Variants in SSC4D observed in about 807,000 individuals in gnomAD.
SSC4D encodes scavenger receptor cysteine-rich domain-containing group B protein.
SSC4D carries 57 observed loss-of-function variants against 63.4 expected under a neutral mutation model. The ratio of observed to expected loss-of-function variants is 0.90; its 90% CI spans 0.73 to 1.12. The LOEUF is 1.12. Among genes scored for constraint, SSC4D ranks in the 50% most tolerant of loss-of-function variants. The pLI is 0.00. For synonymous variants in SSC4D, 352 were observed against 345.4 expected (o/e 1.02, Z -0.21); for missense variants, 791 against 806.4 (o/e 0.98, Z 0.23).
At chr7:76,390,436 G>C in intron 10 of SSC4D, 61 bp from the exon 11 acceptor site, 1 of 1,475,668 alleles carries the variant, frequency 6.8e-7, no homozygotes, top group African/African-American at 1.4e-5. Context: ...TCCCAAGCTA[G>C]GTCAGGTTGG....
At chr7:76,395,119 A>T in intron 7 of SSC4D, 134 bp downstream of exon 7, 1 of 920,050 alleles carries the variant, frequency 1.1e-6, no homozygotes, top group Non-Finnish European at 1.7e-6. Context: ...TGTCTCACCC[A>T]CCTCTGCACC....
chr7:76,404,156 T>G, intron 2 of SSC4D, 151 bp downstream of exon 2: 2 of 1,198,412 alleles, frequency 1.7e-6, no homozygotes, highest in East Asian at 5.4e-5. Context: ...CTCAGACTCT[T>G]AGCTCTTTTG....
rs756066961 is a variant in SSC4D, at chr7:76,397,715, G to C, written c.671C>G (p.Ala224Gly). ...GCAGCCCAGCTGACGACAGACCACA[G>C]CGGCATCCGGCAGCCCCCAGTCGTC... ...CDDDWGLPDAAVVCRQLGCGA... is the reference protein window; with the variant it reads ...CDDDWGLPDAGVVCRQLGCGA... The change falls in exon 6 of 11, where the codon GCT (alanine) becomes GGT (glycine). Residue 224 changes from alanine (A) to glycine (G), a missense_variant. Ala to Gly is a moderately conservative substitution (Grantham distance 60). Coordinates refer to ENST00000275560, the MANE Select transcript of SSC4D (RefSeq NM_080744.2). 6.8e-6 allele frequency: 11 copies of C among 1,613,360 alleles called. No individual in the cohort carries two copies. The highest frequency in any genetic ancestry group is 9.3e-6 in the Non-Finnish European group (11 of 1,179,850).
chr7:76,405,096 A>G (rs1055386051), intron 1 of SSC4D, among the ~76,000 whole-genome samples: 4 of 149,898 alleles, frequency 2.7e-5, no homozygotes, highest in African/African-American at 9.8e-5. Flanking sequence ...AATTTTAAAA[A>G]TACAAAAATT....
chr7:76,399,411 T>C (rs1804741645), intron 4 of SSC4D, among the ~76,000 whole-genome samples: 1 of 152,182 alleles, frequency 6.6e-6, no homozygotes, highest in Non-Finnish European at 1.5e-5. Flanking sequence ...AACTCTGGGA[T>C]TGGGCCTCAA....
chr7:76,393,580 G>C lies in SSC4D; in HGVS notation c.1158C>G (p.Gly386=). ...ADARVACREA[G]CGPALGATGL... Reference sequence around the variant, plus strand: ...CCGTAGCGCCCAGCGCAGGCCCGCAGCCCGCTTCGCGGCAGGCCACGCGCG... The same window carrying C: ...CCGTAGCGCCCAGCGCAGGCCCGCACCCCGCTTCGCGGCAGGCCACGCGCG... Residue 386 remains glycine (G), a synonymous_variant, in exon 9 of 11, where the codon GGC becomes GGG. Transcript: ENST00000275560. 1 of 1,511,456 alleles carries C rather than the reference G, an allele frequency of 6.6e-7. No individual in the cohort carries two copies. The highest frequency in any genetic ancestry group is 8.8e-7 in the Non-Finnish European group (1 of 1,136,532). 93.6% of individuals were successfully genotyped at this position (1,511,456 alleles called of 1,614,324 possible).
Position 76,397,562 on chromosome 7 carries a change from A to G in SSC4D, c.824T>C (p.Val275Ala), listed in dbSNP as rs1172236571. Residue 275 changes from valine to alanine, a missense_variant, in exon 6 of 11, where the codon GTG becomes GCG. Coordinates refer to ENST00000275560, the MANE Select transcript of SSC4D (RefSeq NM_080744.2). The stretch of plus-strand genomic sequence containing the variant: ...GTCCTCGTGGTGGCCGCAGTTGTGC[A>G]CACCCCAGCCCAGGCTCTGGCAGGC... ...LAACQSLGWG[V>A]HNCGHHEDAG... is the part of the protein sequence containing the mutation. 2 of 1,604,218 alleles carry G rather than the reference A, an allele frequency of 1.2e-6. No homozygotes were observed. The highest frequency in any genetic ancestry group is 3.4e-5 in the Admixed American group (2 of 58,344).
At chr7:76,395,198 C>T in intron 7 of SSC4D, 55 bp downstream of exon 7, 2 of 1,596,218 alleles carry the variant, frequency 1.3e-6, no homozygotes, top group Non-Finnish European at 1.7e-6. Context: ...TTCCCAGTTC[C>T]CAGCCGCACC....
rs957970562 is a variant in SSC4D at position 76,404,467 on chromosome 7, T to A, written c.-28A>T. 3 of 1,613,584 alleles carry A rather than the reference T, an allele frequency of 1.9e-6. No homozygotes were observed. Among genetic ancestry groups the A allele is most frequent in the Non-Finnish European group, 2.5e-6 (3 of 1,179,954 alleles). On this transcript the variant is annotated 5_prime_UTR_variant, in exon 2 of 11. Coordinates refer to ENST00000275560, the MANE Select transcript of SSC4D (RefSeq NM_080744.2). ...AGATGGTGAAGGGTGTTTCAGATGC[T>A]CCCATCAAGGCGCCAGGGAGAAGTC...
intron 9 of SSC4D, among the ~76,000 whole-genome samples, chr7:76,392,805 AAAAG>A (rs369350102): frequency 1.3e-5 from 2 of 152,114 alleles, no homozygotes; most frequent in African/African-American, 2.4e-5. Flanking sequence ...AAGAAAAAAA[AAAAG>A]AAATAGGTGT....
At chr7:76,404,804 T>C (rs1347540122) in intron 1 of SSC4D, among the ~76,000 whole-genome samples, 2 of 151,930 alleles carry the variant, frequency 1.3e-5, no homozygotes, top group Non-Finnish European at 2.9e-5. Context: ...CTGCGGTGGC[T>C]CATGCCTGTA....
At chr7:76,397,911 C>T in intron 5 of SSC4D, 79 bp from the exon 6 acceptor site, 5 of 1,386,884 alleles carry the variant, frequency 3.6e-6, no homozygotes, top group Non-Finnish European at 4.8e-6. Flanking sequence ...AGCCCGGTGT[C>T]CCAGGATCTA....
chr7:76,397,883 C>A, intron 5 of SSC4D, 51 bp from the exon 6 acceptor site: 2 of 1,456,968 alleles, frequency 1.4e-6, no homozygotes, highest in East Asian at 2.5e-5. Flanking sequence ...CCTCTGCCCC[C>A]GTCCGCACCG....
chr7:76,390,392 C>A lies in SSC4D; in HGVS notation c.1412-17G>T. ...GTAGATGCCCTGTGGGGGGACAGGGCTGGGTTGGAAGGGGCTGGTCCATGC... is the reference window on the plus strand; with the variant it reads ...GTAGATGCCCTGTGGGGGGACAGGGATGGGTTGGAAGGGGCTGGTCCATGC... On this transcript the variant is annotated splice_polypyrimidine_tract_variant and intron_variant, in intron 10 of 10. Coordinates refer to ENST00000275560, the MANE Select transcript of SSC4D (RefSeq NM_080744.2). 6.4e-7 allele frequency: 1 copy of A among 1,561,464 alleles called. No homozygotes were observed. Among genetic ancestry groups the A allele is most frequent in the Non-Finnish European group, 8.7e-7 (1 of 1,153,034 alleles).
chr7:76,407,364 C>G (rs953665364), intron 1 of SSC4D, among the ~76,000 whole-genome samples: 135 of 151,814 alleles, frequency 8.9e-4, no homozygotes, highest in African/African-American at 3.1e-3. Context: ...CAGAGTCTCG[C>G]CTTGTCGCCC....
chr7:76,393,652 G>T lies in SSC4D; in HGVS notation c.1086C>A (p.Ala362=), dbSNP rs1351934936. Residue 362 remains alanine (A), a synonymous_variant, in exon 9 of 11, where the codon GCC becomes GCA. Coordinates refer to ENST00000275560, the MANE Select transcript of SSC4D (RefSeq NM_080744.2). The part of the protein sequence containing the change: ...PCRGRVEVLH[A]GGWGTVCDDD... ...CGTCGCACACGGTGCCCCAGCCCCC[G>T]GCGTGCAACACCTCCACGCGGCCGC... is the stretch of plus-strand genomic sequence containing the variant. The T allele has an allele frequency of 2.7e-6, 4 of 1,477,118 alleles. No homozygotes were observed. In the African/African-American group the frequency reaches 5.9e-5, roughly 22 times the overall value. The allele number at this position is 1,477,118 out of a possible 1,614,324, so 91.5% of individuals were successfully genotyped here.
intron 7 of SSC4D, 44 bp from the exon 8 acceptor site, chr7:76,393,948 G>A: frequency 6.4e-7 from 1 of 1,553,318 alleles, no homozygotes; most frequent in Non-Finnish European, 8.7e-7. Flanking sequence ...GGACGAGGAG[G>A]CCTTCTGTCC....
At chr7:76,407,063 G>C (rs6465121) in intron 1 of SSC4D, among the ~76,000 whole-genome samples, 71,849 of 151,446 alleles carry the variant, frequency 0.47, 17,661 homozygotes, top group African/African-American at 0.59. Flanking sequence ...TGGGTTCAAG[G>C]AATTCTTCTG....
chr7:76,393,596 G>T lies in SSC4D; in HGVS notation c.1142C>A (p.Ala381Asp). 6 of 1,506,088 alleles carry T rather than the reference G, an allele frequency of 4.0e-6. 1 individual carries two copies. The South Asian group carries it at 6.2e-5, about 16-fold the overall frequency. 93.3% of individuals were successfully genotyped at this position (1,506,088 alleles called of 1,614,324 possible). The change falls in exon 9 of 11, where the codon GCC becomes GAC. Residue 381 changes from alanine (A) to aspartate (D), a missense_variant. Ala to Asp is a moderately radical substitution (Grantham distance 126). Transcript: ENST00000275560. ...AGGCCCGCAGCCCGCTTCGCGGCAGGCCACGCGCGCGTCCGCAAAGTCCCA... is the reference window on the plus strand; with the variant it reads ...AGGCCCGCAGCCCGCTTCGCGGCAGTCCACGCGCGCGTCCGCAAAGTCCCA... ...DDWDFADARV[A>D]CREAGCGPAL...
Sources: gnomAD v4.1 joint callset for allele counts (sites outside exome capture counted in the v4.1 genomes callset) on GRCh38, gnomAD v4.1.1 for gene constraint, MANE v1.5 for transcripts, NCBI Gene and HGNC (gene_info 2026-07-23, HGNC 2026-07-21) for gene names.